Variants in VPS13A observed in about 807,000 individuals in gnomAD.
VPS13A encodes vacuolar protein sorting 13 homolog A.
Under a neutral mutation model 390.9 loss-of-function variants are expected in VPS13A, and 264 were observed. The observed-to-expected ratio is 0.68, with a 90% CI of 0.61 to 0.75. VPS13A has a LOEUF of 0.75. Ranked by LOEUF, VPS13A falls within the 30% of genes least tolerant of loss-of-function variation. VPS13A has a pLI of 0.00. For missense variants in VPS13A, 3,409 were observed against 3,733.9 expected, an observed-to-expected ratio of 0.91 and a Z score of 2.27; for synonymous variants, 1,231 against 1,227.1, an observed-to-expected ratio of 1.00 and a Z score of -0.07.
In VPS13A at chr9:77,205,341, A is replaced by G. The variant is rs765012017; in HGVS notation, c.216A>G (p.Lys72=). ...ATCTTAAACTTATAATTCCATGGAA[A>G]AACCTTTATACTCAACCTGTTGAAG... ...IGNLKLIIPW[K]NLYTQPVEAV... Residue 72 remains lysine (K), a synonymous_variant, in exon 4 of 72, where the codon AAA becomes AAG. Coordinates refer to ENST00000360280, the MANE Select transcript of VPS13A (RefSeq NM_033305.3). 6.5e-7 allele frequency: 1 copy of G among 1,529,390 alleles called. No homozygotes were observed. The highest frequency in any genetic ancestry group is 8.8e-7 in the Non-Finnish European group (1 of 1,133,636). The allele number at this position is 1,529,390 out of a possible 1,614,324, so 94.7% of individuals were successfully genotyped here.
chr9:77,390,598 C>G (rs1318561038), intron 68 of VPS13A, among the ~76,000 whole-genome samples: 1 of 151,902 alleles, frequency 6.6e-6, no homozygotes, highest in East Asian at 1.9e-4. Flanking sequence ...TTTCTTTCAT[C>G]TCAAGTGTAA....
In VPS13A at chr9:77,341,691, C is replaced by CTTTTTTTTTTTTTTTTTTTTTTT. The variant is rs57841628; in HGVS notation, c.7026+1148_7026+1170dup. 7.7e-4 allele frequency among the ~76,000 whole-genome samples: 29 copies of CTTTTTTTTTTTTTTTTTTTTTTT among 37,838 alleles called. 4 individuals carry two copies. Among genetic ancestry groups the CTTTTTTTTTTTTTTTTTTTTTTT allele is most frequent in the Middle Eastern group, 0.033 (1 of 30 alleles). 24.8% of individuals were successfully genotyped at this position (37,838 alleles called of 152,430 possible). ...AGTAAGTTCTACATGGACATCTTTC[C>CTTTTTTTTTTTTTTTTTTTTTTT]TTTTTTTTTTTTTTTTTTTTTTTTT... On this transcript the variant is annotated intron_variant, in intron 50 of 71. Coordinates refer to ENST00000360280, the MANE Select transcript of VPS13A (RefSeq NM_033305.3).
At chr9:77,364,783 T>TTTG (rs767780372) in intron 59 of VPS13A, among the ~76,000 whole-genome samples, 18 of 152,314 alleles carry the variant, frequency 1.2e-4, no homozygotes, top group Admixed American at 2.0e-4. Context: ...AGGCCTTAAA[T>TTTG]TTGTTGTTGT....
intron 1 of VPS13A, among the ~76,000 whole-genome samples, chr9:77,198,759 G>A (rs918379031): frequency 6.6e-6 from 1 of 152,038 alleles, no homozygotes; most frequent in African/African-American, 2.4e-5. Context: ...CGCCTCCTGG[G>A]TTCAAGCAAT....
At chr9:77,404,432 G>A (rs370651734) in intron 69 of VPS13A, among the ~76,000 whole-genome samples, 11 of 152,246 alleles carry the variant, frequency 7.2e-5, no homozygotes, top group African/African-American at 1.7e-4. Context: ...GAGTATGTAC[G>A]AATTTACATG....
Position 77,260,194 on chromosome 9 carries a change from T to C in VPS13A, c.2397T>C (p.Thr799=), listed in dbSNP as rs2131293258. ...IESIPKPEPV[T]EVSAPVKSFQ... is the part of the protein sequence containing the mutation. ...GCATTCCAAAACCTGAACCAGTAAC[T>C]GAAGTATCTGCCCCTGTCAAATCAT... The change falls in exon 23 of 72, where the codon ACT becomes ACC. Residue 799 remains threonine, a synonymous_variant. Coordinates refer to ENST00000360280, the MANE Select transcript of VPS13A (RefSeq NM_033305.3). The C allele has an allele frequency of 2.5e-6, 4 of 1,613,466 alleles. No homozygotes were observed. Among genetic ancestry groups the C allele is most frequent in the Non-Finnish European group, 2.5e-6 (3 of 1,179,678 alleles).
Position 77,415,975 on chromosome 9 carries a change from A to G in VPS13A, c.9494A>G (p.Gln3165Arg). The change falls in exon 72 of 72, where the codon CAA (glutamine) becomes CGA (arginine). Residue 3165 changes from glutamine (Q) to arginine (R), a missense_variant. This residue lies in a region of VPS13A where 318 missense variants were observed against 333.7 expected (regional missense o/e 0.95). Coordinates refer to ENST00000360280, the MANE Select transcript of VPS13A (RefSeq NM_033305.3). ...CCGCAGTGGATCCTCACAAAGCTAC[A>G]AGAAGCAAGAGAACCTTCTCCGAGC... is the stretch of plus-strand genomic sequence containing the variant. The part of the protein sequence containing the change: ...EDARWILTKL[Q>R]EAREPSPSL The G allele has an allele frequency of 6.2e-7, 1 of 1,613,558 alleles. No homozygotes were observed.
At chr9:77,225,806 C>A in intron 13 of VPS13A, 120 bp from the exon 14 acceptor site, 1 of 731,208 alleles carries the variant, frequency 1.4e-6, no homozygotes, top group South Asian at 1.7e-5. Flanking sequence ...GATGAATGTT[C>A]TGTTGTTTGC....
intron 31 of VPS13A, among the ~76,000 whole-genome samples, chr9:77,288,542 A>G (rs1827472737): frequency 1.3e-5 from 2 of 152,168 alleles, no homozygotes; most frequent in African/African-American, 2.4e-5. Flanking sequence ...ATTTAGAAAT[A>G]TGTTATTTAA....
chr9:77,344,346 A>G (rs1831025295), intron 51 of VPS13A, 65 bp downstream of exon 51: 10 of 1,518,098 alleles, frequency 6.6e-6, no homozygotes, highest in Non-Finnish European at 9.0e-6. Flanking sequence ...CTAGTATTGT[A>G]TTTATTTTTT....
chr9:77,411,824 C>A (rs938162389), intron 71 of VPS13A, among the ~76,000 whole-genome samples: 1 of 151,628 alleles, frequency 6.6e-6, no homozygotes, highest in Non-Finnish European at 1.5e-5. Context: ...TTGAAAATAT[C>A]AACAAAATTG....
At chr9:77,332,530 T>A (rs567975193) in intron 46 of VPS13A, among the ~76,000 whole-genome samples, 1 of 151,918 alleles carries the variant, frequency 6.6e-6, no homozygotes, top group African/African-American at 2.4e-5. Context: ...TTCATATTTG[T>A]TCATTGTTCA....
At chr9:77,177,925 C>T in intron 1 of VPS13A, 121 bp downstream of exon 1, 1 of 801,638 alleles carries the variant, frequency 1.2e-6, no homozygotes, top group South Asian at 1.6e-5. Flanking sequence ...AGCCACCTGC[C>T]GCCGCCCGCC....
At chr9:77,317,213 AAGAG>A (rs1275703279) in intron 39 of VPS13A, among the ~76,000 whole-genome samples, 1 of 152,052 alleles carries the variant, frequency 6.6e-6, no homozygotes, top group Non-Finnish European at 1.5e-5. Context: ...CCACTAAGCA[AAGAG>A]AGAGAATAGA....
At chr9:77,234,106 G>A (rs1393688870) in intron 17 of VPS13A, among the ~76,000 whole-genome samples, 1 of 152,116 alleles carries the variant, frequency 6.6e-6, no homozygotes. Context: ...GATGAATTGA[G>A]CCTTTTAATC....
intron 51 of VPS13A, among the ~76,000 whole-genome samples, chr9:77,344,628 G>A (rs565456795): frequency 1.3e-5 from 2 of 152,086 alleles, no homozygotes; most frequent in East Asian, 3.9e-4. Context: ...GCGTGGTGGC[G>A]GGTGCCTGTA....
At chr9:77,331,916 C>T in intron 45 of VPS13A, 94 bp from the exon 46 acceptor site, 3 of 801,542 alleles carry the variant, frequency 3.7e-6, no homozygotes, top group Non-Finnish European at 4.3e-6. Flanking sequence ...CCTGATAGTT[C>T]CTTTGTTAAG....
rs773947032 is a variant in VPS13A, at chr9:77,177,770, G to A, written c.66G>A (p.Leu22=). The A allele has an allele frequency of 6.8e-6, 11 of 1,613,532 alleles. No homozygotes were observed. Among genetic ancestry groups the A allele is most frequent in the Non-Finnish European group, 1.7e-6 (2 of 1,179,716 alleles). The change falls in exon 1 of 72, where the codon TTG becomes TTA. Residue 22 remains leucine (L), a synonymous_variant. Transcript: ENST00000360280. The stretch of plus-strand genomic sequence containing the variant: ...TCTTGGGGGACTATGTGGTGGACTT[G>A]GACACGTCCCAGCTCTCTCTGGGCA... The part of the protein sequence containing the change: ...NRFLGDYVVD[L]DTSQLSLGIW...
At chr9:77,405,838 T>C in intron 69 of VPS13A, 26 bp from the exon 70 acceptor site, 1 of 1,611,706 alleles carries the variant, frequency 6.2e-7, no homozygotes, top group Non-Finnish European at 8.5e-7. Context: ...TTAAAGCGAA[T>C]TCTTTTTTTG....
Sources: gnomAD v4.1 joint callset for allele counts (sites outside exome capture counted in the v4.1 genomes callset) on GRCh38, gnomAD v4.1.1 for gene constraint, gnomAD v4.1.1 regional missense constraint, MANE v1.5 for transcripts, NCBI Gene and HGNC (gene_info 2026-07-23, HGNC 2026-07-21) for gene names.